Variants in RASSF5 observed in about 807,000 individuals in gnomAD.
The protein encoded by RASSF5 is ras association domain-containing protein 5.
A neutral mutation model predicts 40.5 loss-of-function variants in RASSF5; 25 were observed. The observed-to-expected ratio is 0.62, with a 90% CI of 0.45 to 0.86. The LOEUF (loss-of-function observed/expected upper bound fraction) is 0.86, where lower values mean the gene tolerates loss of function less well. Among genes scored for constraint, RASSF5 ranks in the 40% least tolerant of loss-of-function variants. The pLI, the probability that RASSF5 is intolerant of heterozygous loss-of-function variation, is 0.00. For synonymous variants in RASSF5, 246 were observed against 252.4 expected, an observed-to-expected ratio of 0.97 and a Z score of 0.24; for missense variants, 521 against 572.8, an observed-to-expected ratio of 0.91 and a Z score of 0.92.
At chr1:206,586,762 C>T (rs1186077694) in intron 5 of RASSF5, 64 bp from the exon 6 acceptor site, 18 of 1,279,130 alleles carry the variant, frequency 1.4e-5, no homozygotes, top group South Asian at 2.6e-5. Flanking sequence ...TCTCTCAGGT[C>T]GTGTCAACTT....
At chr1:206,543,731 G>A (rs1553399745) in intron 2 of RASSF5, 2 of 152,070 alleles carry the variant, frequency 1.3e-5, no homozygotes, top group Non-Finnish European at 2.9e-5. Context: ...ATAGCCAAAT[G>A]CTTTTCATAT....
chr1:206,530,143 A>G (rs1426199636), intron 1 of RASSF5, among the ~76,000 whole-genome samples: 4 of 151,312 alleles, frequency 2.6e-5, no homozygotes, highest in African/African-American at 9.8e-5. Context: ...AAAAATTTAA[A>G]CAATTTAGTA....
chr1:206,533,792 C>G (rs1017515266), intron 1 of RASSF5, among the ~76,000 whole-genome samples: 7 of 152,066 alleles, frequency 4.6e-5, no homozygotes, highest in Non-Finnish European at 1.0e-4. Flanking sequence ...CCCAGTAGTT[C>G]AGAATGCAAC....
chr1:206,512,176 C>T (rs1387796549), intron 1 of RASSF5, among the ~76,000 whole-genome samples: 1 of 152,014 alleles, frequency 6.6e-6, no homozygotes, highest in African/African-American at 2.4e-5. Flanking sequence ...ACTCCCAAGC[C>T]CTCTCCTACC....
At position 206,579,807 on chromosome 1, in the gene RASSF5, C is replaced by T. The variant is rs760806895; in HGVS notation, c.580-3462C>T. Among the ~76,000 whole-genome samples the T allele has an allele frequency of 1.3e-5, 2 of 152,212 alleles. No individual in the cohort carries two copies. Among genetic ancestry groups the T allele is most frequent in the Non-Finnish European group, 2.9e-5 (2 of 68,046 alleles). ...TTAAGAACCACTGGTCTGGATTATA[C>T]GCCATCTCTTGGGTGGAAAAAGGAT... is the stretch of plus-strand genomic sequence containing the variant. On this transcript the variant is annotated intron_variant, in intron 2 of 5. Transcript: ENST00000579436. The surrounding 1 kb of genome is among the most constrained non-coding windows in gnomAD (Gnocchi z 4.2).
chr1:206,556,424 G>A (rs539314857), intron 2 of RASSF5, among the ~76,000 whole-genome samples: 1 of 152,356 alleles, frequency 6.6e-6, no homozygotes, highest in African/African-American at 2.4e-5. Context: ...CTATTGTGGG[G>A]TAATTGTCTT....
intron 2 of RASSF5, among the ~76,000 whole-genome samples, chr1:206,577,420 A>G (rs781870407): frequency 4.7e-4 from 72 of 152,156 alleles, no homozygotes; most frequent in Non-Finnish European, 8.5e-4. Flanking sequence ...TGATTTTCAG[A>G]ACACTTTTGT....
intron 1 of RASSF5, among the ~76,000 whole-genome samples, chr1:206,524,490 T>A (rs1553396815): frequency 1.4e-5 from 2 of 138,844 alleles, no homozygotes; most frequent in Non-Finnish European, 3.1e-5. Flanking sequence ...GTTTTTTTTT[T>A]TGAGACAGAG....
At chr1:206,523,420 ATAT>A (rs1553396420) in intron 1 of RASSF5, among the ~76,000 whole-genome samples, 3 of 118,678 alleles carry the variant, frequency 2.5e-5, no homozygotes, top group African/African-American at 6.4e-5. Flanking sequence ...TATATATTAT[ATAT>A]TATATAATAT....
intron 1 of RASSF5, among the ~76,000 whole-genome samples, chr1:206,522,652 G>A (rs1666938831): frequency 6.6e-6 from 1 of 152,146 alleles, no homozygotes; most frequent in African/African-American, 2.4e-5. Context: ...CTGAGGGCCT[G>A]CAGACTTTCC....
At chr1:206,555,893 T>C (rs782018569) in intron 2 of RASSF5, among the ~76,000 whole-genome samples, 2 of 152,130 alleles carry the variant, frequency 1.3e-5, no homozygotes, top group Non-Finnish European at 2.9e-5. Flanking sequence ...CTCATGAAGG[T>C]AGCCAGAGCT....
chr1:206,558,841 C>A (rs1668066806), intron 2 of RASSF5, among the ~76,000 whole-genome samples: 1 of 152,104 alleles, frequency 6.6e-6, no homozygotes, highest in South Asian at 2.1e-4. Flanking sequence ...AGGGGATGTT[C>A]CAGAGGGTGA....
At chr1:206,575,446 G>GT (rs1355655385) in intron 2 of RASSF5, among the ~76,000 whole-genome samples, 12 of 152,188 alleles carry the variant, frequency 7.9e-5, no homozygotes, top group Non-Finnish European at 1.3e-4. Flanking sequence ...TTAAGAATGC[G>GT]TAGACCGGCT....
chr1:206,528,218 AC>A (rs1667146020), intron 1 of RASSF5, among the ~76,000 whole-genome samples: 2 of 152,094 alleles, frequency 1.3e-5, no homozygotes, highest in Admixed American at 1.3e-4. Context: ...ATATATAGCT[AC>A]TATGTACCCA....
chr1:206,554,823 T>G (rs1451919967), intron 2 of RASSF5, among the ~76,000 whole-genome samples: 1 of 152,216 alleles, frequency 6.6e-6, no homozygotes, highest in Non-Finnish European at 1.5e-5. Flanking sequence ...TGGTATATTA[T>G]ATATGATCTT....
At chr1:206,527,558 A>G (rs1667128762) in intron 1 of RASSF5, among the ~76,000 whole-genome samples, 2 of 152,138 alleles carry the variant, frequency 1.3e-5, no homozygotes, top group Non-Finnish European at 1.5e-5. Flanking sequence ...GGCAGACAGT[A>G]TGGGTGGCTT....
intron 1 of RASSF5, among the ~76,000 whole-genome samples, chr1:206,521,178 G>A (rs78377444): frequency 0.022 from 3,298 of 152,216 alleles, 128 homozygotes; most frequent in African/African-American, 0.076. Flanking sequence ...GCTGCTAGGG[G>A]GGTCTGTGGG....
At chr1:206,555,956 C>A (rs1553401708) in intron 2 of RASSF5, among the ~76,000 whole-genome samples, 2 of 152,160 alleles carry the variant, frequency 1.3e-5, no homozygotes, top group African/African-American at 4.8e-5. Context: ...GTCCTCCACC[C>A]AGCTTATGTT....
chr1:206,548,806 C>G (rs1325745388), intron 2 of RASSF5, among the ~76,000 whole-genome samples: 2 of 152,164 alleles, frequency 1.3e-5, no homozygotes, highest in Non-Finnish European at 2.9e-5. Context: ...TGAATTCGTT[C>G]CACAGCTTAC....
Sources: gnomAD v4.1 joint callset for allele counts (sites outside exome capture counted in the v4.1 genomes callset) on GRCh38, gnomAD v4.1.1 for gene constraint, Gnocchi (gnomAD v3.1) non-coding constraint, MANE v1.5 for transcripts, NCBI Gene and HGNC (gene_info 2026-07-23, HGNC 2026-07-21) for gene names.